The following UGGT2 variants were observed in gnomAD, a reference collection of about 807,000 sequenced individuals.
UGGT2 encodes the protein UDP-glucose:glycoprotein glucosyltransferase 2.
A neutral mutation model predicts 192.1 loss-of-function variants in UGGT2; 180 were observed. The observed-to-expected ratio is 0.94, with a 90% CI of 0.83 to 1.06. UGGT2 has a LOEUF of 1.06. Among genes scored for constraint, UGGT2 ranks in the 50% least tolerant of loss-of-function variants. The probability of loss-of-function intolerance (pLI) is 0.00; values close to 1 mark genes in which losing one functional copy is unlikely to be tolerated. For synonymous variants in UGGT2, 580 were observed against 591.0 expected, an observed-to-expected ratio of 0.98 and a Z score of 0.27; for missense variants, 1,849 against 1,795.7, an observed-to-expected ratio of 1.03 and a Z score of -0.54.
chr13:96,023,324 A>G (rs1227001441), intron 3 of UGGT2, among the ~76,000 whole-genome samples, 172 bp from the exon 4 acceptor site: 1 of 152,128 alleles, frequency 6.6e-6, no homozygotes, highest in East Asian at 1.9e-4. Context: ...TATTTTAATA[A>G]AATCAACTTT....
At chr13:96,034,689 C>T (rs939049910) in intron 1 of UGGT2, among the ~76,000 whole-genome samples, 2 of 152,230 alleles carry the variant, frequency 1.3e-5, no homozygotes, top group African/African-American at 2.4e-5. Context: ...CTGCATTCCA[C>T]CACAGTGCCT....
rs368383382 is a variant in UGGT2, at chr13:95,985,818, G to T, written c.1031+515C>A. 2.5e-3 allele frequency among the ~76,000 whole-genome samples: 375 copies of T among 152,180 alleles called. 3 individuals are homozygous for T. The highest frequency in any genetic ancestry group is 8.7e-3 in the African/African-American group (362 of 41,542). On this transcript the variant is annotated intron_variant, in intron 9 of 38. Coordinates refer to ENST00000376747, the MANE Select transcript of UGGT2 (RefSeq NM_020121.4). ...TATTGAAATGGAATATATGTTTAATGTAACATCAGTATTCATGGAAGCAGT... is the reference window on the plus strand; with the variant it reads ...TATTGAAATGGAATATATGTTTAATTTAACATCAGTATTCATGGAAGCAGT...
chr13:96,015,034 T>A (rs1477627095), intron 4 of UGGT2, among the ~76,000 whole-genome samples: 1 of 152,070 alleles, frequency 6.6e-6, no homozygotes, highest in Non-Finnish European at 1.5e-5. Context: ...ATCCCAGCAC[T>A]TTGGGAGGCC....
chr13:96,006,623 C>CA (rs61256349), intron 5 of UGGT2, among the ~76,000 whole-genome samples: 24,144 of 90,568 alleles, frequency 0.27, 4,703 homozygotes, highest in Non-Finnish European at 0.31. Flanking sequence ...GATTCTGCCT[C>CA]AAAAAAAAAA....
intron 1 of UGGT2, among the ~76,000 whole-genome samples, chr13:96,051,548 C>A (rs1854982154): frequency 1.3e-5 from 2 of 151,948 alleles, no homozygotes; most frequent in South Asian, 4.2e-4. Flanking sequence ...GCAGAGTAAA[C>A]AGACAACCCA....
chr13:96,026,437 G>C (rs2052666616), intron 2 of UGGT2, among the ~76,000 whole-genome samples: 1 of 151,804 alleles, frequency 6.6e-6, no homozygotes, highest in Admixed American at 6.6e-5. Context: ...TGTTTAATTT[G>C]GTGCCTCTTA....
intron 1 of UGGT2, among the ~76,000 whole-genome samples, chr13:96,044,046 C>T (rs2053238781): frequency 6.6e-6 from 1 of 152,172 alleles, no homozygotes; most frequent in African/African-American, 2.4e-5. Flanking sequence ...TTCTACCCAA[C>T]AACCACAGAA....
At chr13:95,906,695 A>C (rs1212077518) in intron 20 of UGGT2, among the ~76,000 whole-genome samples, 1 of 152,238 alleles carries the variant, frequency 6.6e-6, no homozygotes, top group Admixed American at 6.5e-5. Context: ...GCAAAAGCTA[A>C]AATCTTGAAA....
chr13:96,019,131 G>C lies in UGGT2; in HGVS notation c.485+3909C>G, dbSNP rs956926500. On this transcript the variant is annotated intron_variant, in intron 4 of 38. Coordinates refer to ENST00000376747, the MANE Select transcript of UGGT2 (RefSeq NM_020121.4). ...ACTTTGCCCTACATAGCGGGGGGGG[G>C]GGGGGGGAATGTTTCTGTCAGGCTG... is the stretch of plus-strand genomic sequence containing the variant. Among the ~76,000 whole-genome samples, 80 of 130,508 alleles carry C rather than the reference G, an allele frequency of 6.1e-4. 1 individual carries two copies. Among genetic ancestry groups the C allele is most frequent in the East Asian group, 9.8e-4 (4 of 4,076 alleles). The allele number at this position is 130,508 out of a possible 152,430, so 85.6% of individuals were successfully genotyped here. A position where few individuals can be genotyped will look rare whatever the true frequency, so the allele number is the denominator to read the frequency against.
At chr13:95,887,082 T>C (rs7333045) in intron 26 of UGGT2, among the ~76,000 whole-genome samples, 53,710 of 151,972 alleles carry the variant, frequency 0.35, 10,307 homozygotes, top group East Asian at 0.46. Context: ...AAAAAAGTTC[T>C]GCTCAAGGCA....
chr13:95,927,376 T>C, intron 17 of UGGT2, 40 bp from the exon 18 acceptor site: 1 of 1,527,798 alleles, frequency 6.5e-7, no homozygotes, highest in Non-Finnish European at 8.8e-7. Context: ...TACAGGCAAT[T>C]TATATCCATG....
chr13:95,922,359 T>A (rs751666676), intron 20 of UGGT2, among the ~76,000 whole-genome samples: 1 of 152,314 alleles, frequency 6.6e-6, no homozygotes, highest in Non-Finnish European at 1.5e-5. Flanking sequence ...TCAGGTACTA[T>A]GTTTGCTACT....
chr13:95,902,708 T>G, intron 21 of UGGT2, 146 bp downstream of exon 21: 1 of 787,282 alleles, frequency 1.3e-6, no homozygotes, highest in Non-Finnish European at 2.0e-6. Flanking sequence ...TCATTTAATG[T>G]TTATCTTTTC....
intron 10 of UGGT2, among the ~76,000 whole-genome samples, chr13:95,975,551 C>T (rs1433888488): frequency 6.6e-6 from 1 of 152,052 alleles, no homozygotes; most frequent in Non-Finnish European, 1.5e-5. Context: ...ACTAGCAGCC[C>T]TCTTAGGCTT....
chr13:95,872,391 T>C (rs138546316), intron 29 of UGGT2, among the ~76,000 whole-genome samples: 335 of 152,316 alleles, frequency 2.2e-3, no homozygotes, highest in Non-Finnish European at 3.6e-3. Flanking sequence ...AATCTGAACT[T>C]AGAAACTCAT....
chr13:96,043,357 G>A (rs2053219112), intron 1 of UGGT2, among the ~76,000 whole-genome samples: 1 of 152,132 alleles, frequency 6.6e-6, no homozygotes, highest in African/African-American at 2.4e-5. Context: ...CACAAGAACT[G>A]CTAAAAGGAG....
chr13:95,934,701 G>GT (rs1435020198), intron 17 of UGGT2, among the ~76,000 whole-genome samples: 1 of 152,106 alleles, frequency 6.6e-6, no homozygotes, highest in African/African-American at 2.4e-5. Flanking sequence ...TTGTGGAGAG[G>GT]TTTCACTGTG....
In UGGT2 at chr13:95,890,710, G is replaced by T. The variant is rs2140234133; in HGVS notation, c.2958+152C>A. 4.5e-6 allele frequency: 3 copies of T among 666,066 alleles called. No homozygotes were observed. In the South Asian group the frequency reaches 5.7e-5, roughly 13 times the overall value. 41.3% of individuals were successfully genotyped at this position (666,066 alleles called of 1,614,324 possible). Reference sequence around the variant, plus strand: ...CAGTCATAACAACACCCTGTGCACAGCTCCATCATTTCATTTTCTACATTG... The same window carrying T: ...CAGTCATAACAACACCCTGTGCACATCTCCATCATTTCATTTTCTACATTG... On this transcript the variant is annotated intron_variant, in intron 25 of 38. Transcript: ENST00000376747.
chr13:95,836,346 A>G (rs1172530380), intron 37 of UGGT2, among the ~76,000 whole-genome samples: 3 of 152,188 alleles, frequency 2.0e-5, no homozygotes, highest in Admixed American at 2.0e-4. Flanking sequence ...CACCGTGCCC[A>G]GCCCTCTAAG....
Sources: allele counts gnomAD v4.1 joint callset (sites outside exome capture counted in the v4.1 genomes callset), GRCh38; gene constraint gnomAD v4.1.1; transcripts MANE v1.5; gene names NCBI Gene and HGNC (gene_info 2026-07-23, HGNC 2026-07-21).